The following FBXL17 variants were observed in gnomAD, a reference collection of about 807,000 sequenced individuals.
FBXL17 encodes the protein F-box and leucine rich repeat protein 17.
A neutral mutation model predicts 66.2 loss-of-function variants in FBXL17; 22 were observed. The observed-to-expected ratio is 0.33, with a 90% CI of 0.24 to 0.47. The LOEUF is 0.47. FBXL17 is among the 20% of genes least tolerant of loss of function. The pLI is 1.00. For missense variants in FBXL17, 878 were observed against 948.2 expected, an observed-to-expected ratio of 0.93 and a Z score of 0.97; for synonymous variants, 474 against 400.5, an observed-to-expected ratio of 1.18 and a Z score of -2.19.
At chr5:108,335,771 CATG>C (rs1281034190) in intron 4 of FBXL17, among the ~76,000 whole-genome samples, 2 of 151,944 alleles carry the variant, frequency 1.3e-5, no homozygotes, top group Admixed American at 6.6e-5. Context: ...AATCTAAAAA[CATG>C]ATAACATAAA....
chr5:107,964,789 T>G (rs885625), intron 7 of FBXL17, among the ~76,000 whole-genome samples: 1 of 152,078 alleles, frequency 6.6e-6, no homozygotes, highest in Non-Finnish European at 1.5e-5. Flanking sequence ...CTCTTCTTTT[T>G]GGATTTTGTC....
At chr5:108,323,893 T>C (rs1759735125) in intron 4 of FBXL17, among the ~76,000 whole-genome samples, 1 of 152,018 alleles carries the variant, frequency 6.6e-6, no homozygotes, top group East Asian at 1.9e-4. Context: ...TGCAAATGAA[T>C]GAAGTTGGAC....
At chr5:108,054,957 G>C (rs943154926) in intron 6 of FBXL17, among the ~76,000 whole-genome samples, 1 of 151,984 alleles carries the variant, frequency 6.6e-6, no homozygotes, top group African/African-American at 2.4e-5. Flanking sequence ...CTTAGTGGAG[G>C]TAATAGGAAA....
chr5:108,267,343 C>T (rs1356368577), intron 4 of FBXL17, among the ~76,000 whole-genome samples: 1 of 151,992 alleles, frequency 6.6e-6, no homozygotes, highest in African/African-American at 2.4e-5. Flanking sequence ...CCAAGAACTA[C>T]AATAAGAAAT....
At chr5:108,037,897 A>G (rs978914500) in intron 6 of FBXL17, among the ~76,000 whole-genome samples, 1 of 152,168 alleles carries the variant, frequency 6.6e-6, no homozygotes, top group Non-Finnish European at 1.5e-5. Flanking sequence ...CCATCTATGT[A>G]GTATCTTGCC....
intron 7 of FBXL17, among the ~76,000 whole-genome samples, chr5:107,960,412 C>T (rs1751851165): frequency 6.6e-6 from 1 of 152,044 alleles, no homozygotes; most frequent in African/African-American, 2.4e-5. Flanking sequence ...AAACATATTC[C>T]TTCTCTCTAA....
chr5:108,178,560 T>C (rs1414871050), intron 6 of FBXL17, among the ~76,000 whole-genome samples: 4 of 152,206 alleles, frequency 2.6e-5, no homozygotes. Context: ...TATTTCATTA[T>C]TCTTTTTGCA....
chr5:108,302,795 GA>G (rs1363590958), intron 4 of FBXL17, among the ~76,000 whole-genome samples: 1 of 151,580 alleles, frequency 6.6e-6, no homozygotes, highest in Non-Finnish European at 1.5e-5. Context: ...ATTTTCTAAA[GA>G]AAAACCTATG....
chr5:108,269,892 T>C (rs987584734), intron 4 of FBXL17, among the ~76,000 whole-genome samples: 4 of 152,114 alleles, frequency 2.6e-5, no homozygotes, highest in Non-Finnish European at 5.9e-5. Flanking sequence ...AAAACCTAGG[T>C]ACTGCCCTAA....
intron 7 of FBXL17, among the ~76,000 whole-genome samples, chr5:107,957,294 C>T (rs1287765342): frequency 6.6e-6 from 1 of 152,030 alleles, no homozygotes; most frequent in African/African-American, 2.4e-5. Flanking sequence ...CGACTGTTCA[C>T]TATACTCAGC....
chr5:108,258,360 T>A (rs534469725), intron 4 of FBXL17, among the ~76,000 whole-genome samples: 1 of 152,276 alleles, frequency 6.6e-6, no homozygotes, highest in South Asian at 2.1e-4. Flanking sequence ...GGCCACCCAG[T>A]CTATGGTATT....
intron 7 of FBXL17, among the ~76,000 whole-genome samples, chr5:107,969,406 T>C (rs1752282253): frequency 6.6e-6 from 1 of 152,158 alleles, no homozygotes. Context: ...GTTTAATGGA[T>C]ACAGCCTAAA....
intron 4 of FBXL17, among the ~76,000 whole-genome samples, chr5:108,254,170 T>C (rs1281426527): frequency 6.6e-6 from 1 of 152,204 alleles, no homozygotes; most frequent in Non-Finnish European, 1.5e-5. Flanking sequence ...TTGCATTATA[T>C]ACTAAAGAAA....
At chr5:108,028,038 A>G (rs1411972233) in intron 6 of FBXL17, among the ~76,000 whole-genome samples, 1 of 152,172 alleles carries the variant, frequency 6.6e-6, no homozygotes, top group Non-Finnish European at 1.5e-5. Flanking sequence ...AGACAGCAGA[A>G]GAGAAGACTT....
chr5:108,078,536 T>C (rs576507349), intron 6 of FBXL17, among the ~76,000 whole-genome samples: 21 of 152,334 alleles, frequency 1.4e-4, no homozygotes, highest in African/African-American at 4.6e-4. Flanking sequence ...AGAATCTACA[T>C]TGATGCCAGC....
chr5:107,920,365 T>G (rs985383909), intron 7 of FBXL17, among the ~76,000 whole-genome samples: 9 of 152,170 alleles, frequency 5.9e-5, no homozygotes, highest in Non-Finnish European at 1.2e-4. Context: ...CCACCATGCC[T>G]GACTAATTTT....
intron 4 of FBXL17, among the ~76,000 whole-genome samples, chr5:108,323,056 C>G (rs1056103354): frequency 2.0e-5 from 3 of 151,624 alleles, no homozygotes; most frequent in Non-Finnish European, 4.4e-5. Flanking sequence ...GACATGATGC[C>G]CATTTATGCC....
At chr5:108,286,089 C>T (rs980187954) in intron 4 of FBXL17, among the ~76,000 whole-genome samples, 1 of 151,906 alleles carries the variant, frequency 6.6e-6, no homozygotes, top group Non-Finnish European at 1.5e-5. Context: ...TATAATTCAA[C>T]ATCCCTTCAT....
chr5:108,341,772 TCACCACTTATTAA>T, intron 4 of FBXL17, among the ~76,000 whole-genome samples: 1 of 152,136 alleles, frequency 6.6e-6, no homozygotes, highest in Admixed American at 6.5e-5. Context: ...ACTGTAACAC[TCACCACTTATTAA>T]GCATTCCCCA....
Sources: gnomAD v4.1 joint callset for allele counts (sites outside exome capture counted in the v4.1 genomes callset) on GRCh38, gnomAD v4.1.1 for gene constraint, MANE v1.5 for transcripts, NCBI Gene and HGNC (gene_info 2026-07-23, HGNC 2026-07-21) for gene names.